Variants in LRP1B observed in about 807,000 individuals in gnomAD.
LRP1B encodes low-density lipoprotein receptor-related protein 1B.
LRP1B carries 217 observed loss-of-function variants against 556.6 expected under a neutral mutation model. That is an observed-to-expected ratio of 0.39 (90% CI 0.35 to 0.44). The LOEUF (loss-of-function observed/expected upper bound fraction) is 0.44. Among genes scored for constraint, LRP1B ranks in the 20% least tolerant of loss-of-function variants. The pLI, the probability that LRP1B is intolerant of heterozygous loss-of-function variation, is 1.00. For synonymous variants in LRP1B, 2,047 were observed against 1,865.8 expected (o/e 1.10, Z -2.50); for missense variants, 5,053 against 5,620.8 (o/e 0.90, Z 3.23).
At chr2:141,651,529 G>A (rs1474305717) in intron 2 of LRP1B, among the ~76,000 whole-genome samples, 1 of 152,112 alleles carries the variant, frequency 6.6e-6, no homozygotes, top group African/African-American at 2.4e-5. Context: ...CCAGGTGTTG[G>A]TGGTGCATGC....
chr2:140,427,286 C>T (rs1685703437), intron 66 of LRP1B, among the ~76,000 whole-genome samples: 1 of 152,144 alleles, frequency 6.6e-6, no homozygotes, highest in Non-Finnish European at 1.5e-5. Flanking sequence ...TGCGAGGACG[C>T]CTGCTTTGGC....
At chr2:140,403,220 T>C (rs1017209402) in intron 66 of LRP1B, among the ~76,000 whole-genome samples, 2 of 152,106 alleles carry the variant, frequency 1.3e-5, no homozygotes, top group African/African-American at 4.8e-5. Context: ...GATAACATGA[T>C]AAAACAAGGT....
intron 6 of LRP1B, among the ~76,000 whole-genome samples, chr2:141,196,807 G>T (rs560522726): frequency 6.6e-6 from 1 of 152,022 alleles, no homozygotes; most frequent in Non-Finnish European, 1.5e-5. Context: ...CCTTCGCCAT[G>T]GTTTGGGGGC....
chr2:140,578,977 CAGA>C, intron 43 of LRP1B, among the ~76,000 whole-genome samples: 1 of 151,584 alleles, frequency 6.6e-6, no homozygotes, highest in East Asian at 1.9e-4. Context: ...CAGAAGTAAA[CAGA>C]AGGAGGAAGT....
intron 35 of LRP1B, among the ~76,000 whole-genome samples, chr2:140,748,599 A>G (rs1441533645): frequency 4.6e-4 from 15 of 32,554 alleles, no homozygotes; most frequent in African/African-American, 7.9e-4. Context: ...GTGTATATAT[A>G]TATATATATA....
rs7563805 is a variant in LRP1B at position 140,820,211 on chromosome 2, C to A, written c.5210-6405G>T. On this transcript the variant is annotated intron_variant, in intron 31 of 90. Coordinates refer to ENST00000389484, the MANE Select transcript of LRP1B (RefSeq NM_018557.3). ...GCCAGGCTAGTCTTGAACTCCTGGC[C>A]TAAAGTGATCCACCTGGCTCAGCCT... 8.2e-3 allele frequency among the ~76,000 whole-genome samples: 1,245 copies of A among 152,244 alleles called. 24 individuals are homozygous for A. The highest frequency in any genetic ancestry group is 0.027 in the African/African-American group (1,120 of 41,538).
chr2:141,540,984 T>C (rs1179397038), intron 2 of LRP1B, among the ~76,000 whole-genome samples: 2 of 150,544 alleles, frequency 1.3e-5, no homozygotes, highest in Non-Finnish European at 3.0e-5. Context: ...CTAAAAAATA[T>C]AACATCAAAA....
chr2:142,130,781 C>G lies in LRP1B; in HGVS notation c.-52G>C, dbSNP rs762388041. On this transcript the variant is annotated 5_prime_UTR_variant, in exon 1 of 91. Transcript: ENST00000389484. The stretch of plus-strand genomic sequence containing the variant: ...GCTGGAGACTGCTCGGCGGCACCTT[C>G]GGCCCGGCGGCGGCGGCGGCGGCAG... The G allele has an allele frequency of 1.1e-5, 17 of 1,515,230 alleles. No homozygotes were observed. Among genetic ancestry groups the G allele is most frequent in the Admixed American group, 9.0e-5 (5 of 55,834 alleles). 93.9% of individuals were successfully genotyped at this position (1,515,230 alleles called of 1,614,324 possible). A position where few individuals can be genotyped will look rare whatever the true frequency, so the allele number is the denominator to read the frequency against.
intron 2 of LRP1B, among the ~76,000 whole-genome samples, chr2:141,596,885 G>A (rs6708984): frequency 2.6e-5 from 4 of 151,776 alleles, no homozygotes; most frequent in Admixed American, 2.6e-4. Flanking sequence ...ATGAATCCTA[G>A]GTAAAGGGGA....
At chr2:141,828,467 TG>T (rs1453316079) in intron 1 of LRP1B, among the ~76,000 whole-genome samples, 2 of 152,066 alleles carry the variant, frequency 1.3e-5, no homozygotes, top group African/African-American at 4.8e-5. Context: ...ACTAAAGGGA[TG>T]GAGGATAGAT....
rs75727751 is a variant in LRP1B at position 140,783,594 on chromosome 2, A to G, written c.5360-7356T>C. ...TATACCTGGTCATGAGTTAATAGAT[A>G]AAATGAAAATCTAGACCTGCAATAG... is the stretch of plus-strand genomic sequence containing the variant. On this transcript the variant is annotated intron_variant, in intron 32 of 90. Coordinates refer to ENST00000389484, the MANE Select transcript of LRP1B (RefSeq NM_018557.3). Among the ~76,000 whole-genome samples the G allele has an allele frequency of 0.013, 1,988 of 152,314 alleles. 108 individuals are homozygous for G. The East Asian group carries it at 0.16, about 13-fold the overall frequency.
intron 41 of LRP1B, among the ~76,000 whole-genome samples, chr2:140,695,650 G>A (rs1003030817): frequency 7.2e-5 from 11 of 151,940 alleles, no homozygotes; most frequent in East Asian, 1.9e-4. Context: ...TTTATAAATC[G>A]TTACTGTGGT....
At chr2:140,989,217 T>C (rs1697016577) in intron 17 of LRP1B, among the ~76,000 whole-genome samples, 1 of 152,026 alleles carries the variant, frequency 6.6e-6, no homozygotes, top group African/African-American at 2.4e-5. Flanking sequence ...TATCACAGCA[T>C]GCTAGCAAAC....
intron 1 of LRP1B, among the ~76,000 whole-genome samples, chr2:141,949,677 C>T (rs184710705): frequency 1.6e-4 from 25 of 152,262 alleles, no homozygotes; most frequent in Admixed American, 5.2e-4. Flanking sequence ...CATAAGCCAC[C>T]GTGCCTGGCC....
chr2:141,096,629 G>GGAGAGGGAGAGAGAGAGAGA (rs1700318285), intron 7 of LRP1B, among the ~76,000 whole-genome samples: 2 of 59,744 alleles, frequency 3.3e-5, no homozygotes, highest in African/African-American at 1.5e-4. Context: ...GGGGAGAGGG[G>GGAGAGGGAGAGAGAGAGAGA]GAGAGAGAGA....
intron 41 of LRP1B, among the ~76,000 whole-genome samples, chr2:140,622,640 C>T (rs1683495955): frequency 6.6e-6 from 1 of 151,998 alleles, no homozygotes; most frequent in Non-Finnish European, 1.5e-5. Flanking sequence ...ATTTTTTACC[C>T]TTCCACTATG....
chr2:141,731,031 T>G (rs1388085064), intron 2 of LRP1B, among the ~76,000 whole-genome samples: 1 of 151,980 alleles, frequency 6.6e-6, no homozygotes, highest in Non-Finnish European at 1.5e-5. Context: ...ACGGGGGGTG[T>G]GGGGAGAAAT....
rs1381682098 is a variant in LRP1B, at chr2:140,627,986, T to C, written c.6800-26347A>G. Among the ~76,000 whole-genome samples the C allele has an allele frequency of 3.9e-5, 6 of 152,322 alleles. No individual in the cohort carries two copies. In the East Asian group the frequency reaches 1.2e-3, roughly 29 times the overall value. ...TTGTGCCTCTCAGTAATGAGACTAC[T>C]AATCTGAACAGTTGTTAAGCAACAG... On this transcript the variant is annotated intron_variant, in intron 41 of 90. Transcript: ENST00000389484.
chr2:141,584,982 A>T (rs2170668), intron 2 of LRP1B, among the ~76,000 whole-genome samples: 34,717 of 149,846 alleles, frequency 0.23, 4,977 homozygotes, highest in East Asian at 0.49. Context: ...ACTCACAAAA[A>T]ATGTGAATAT....
Sources: gnomAD v4.1 joint callset for allele counts (sites outside exome capture counted in the v4.1 genomes callset) on GRCh38, gnomAD v4.1.1 for gene constraint, MANE v1.5 for transcripts, NCBI Gene and HGNC (gene_info 2026-07-23, HGNC 2026-07-21) for gene names.